Variants in LRRC28 observed in about 807,000 individuals in gnomAD.
LRRC28 encodes the protein leucine-rich repeat-containing protein 28.
A neutral mutation model predicts 45.7 loss-of-function variants in LRRC28; 39 were observed. The observed-to-expected ratio is 0.85, with a 90% CI of 0.66 to 1.12. LRRC28 has a LOEUF of 1.12. Ranked by LOEUF, LRRC28 falls within the 50% of genes most tolerant of loss-of-function variation. The pLI, the probability that LRRC28 is intolerant of heterozygous loss-of-function variation, is 0.00. For missense variants in LRRC28, 435 were observed against 438.5 expected (o/e 0.99, Z 0.07); for synonymous variants, 206 against 178.8 (o/e 1.15, Z -1.22).
intron 5 of LRRC28, among the ~76,000 whole-genome samples, chr15:99,310,441 G>A (rs954852733): frequency 1.3e-5 from 2 of 152,168 alleles, no homozygotes; most frequent in Non-Finnish European, 2.9e-5. Flanking sequence ...GTATTGAATG[G>A]ATCAGGCTGA....
At position 99,389,231 on chromosome 15, in the gene LRRC28, T is replaced by C. The variant is rs1486277644; in HGVS notation, c.*3129T>C. On this transcript the variant is annotated 3_prime_UTR_variant, in exon 10 of 10. Transcript: ENST00000301981. ...TTCACATTCCAGCTTGTCCGACTAG[T>C]GTAATGTACCTCTCACTTCTGTTTT... 2.0e-5 allele frequency: 3 copies of C among 152,182 alleles called. No homozygotes were observed. Among genetic ancestry groups the C allele is most frequent in the Non-Finnish European group, 4.4e-5 (3 of 68,042 alleles). 9.4% of individuals were successfully genotyped at this position (152,182 alleles called of 1,614,324 possible).
intron 5 of LRRC28, among the ~76,000 whole-genome samples, chr15:99,312,073 T>C (rs549618231): frequency 7.2e-5 from 11 of 152,148 alleles, no homozygotes; most frequent in Non-Finnish European, 1.5e-4. Flanking sequence ...ATAAAGGAAG[T>C]TAAAACAATA....
At chr15:99,257,927 T>C in intron 2 of LRRC28, 1 of 769,986 alleles carries the variant, frequency 1.3e-6, no homozygotes, top group Non-Finnish European at 2.4e-6. Context: ...ATAAAGAGAT[T>C]TTCCTTAGAG....
intron 9 of LRRC28, among the ~76,000 whole-genome samples, chr15:99,365,704 T>G (rs556689978): frequency 3.8e-4 from 58 of 152,354 alleles, no homozygotes; most frequent in African/African-American, 1.3e-3. Context: ...TAAATTAATG[T>G]GAACATCTGG....
intron 3 of LRRC28, among the ~76,000 whole-genome samples, chr15:99,280,432 A>AT (rs1475758592): frequency 5.2e-5 from 3 of 57,390 alleles, no homozygotes; most frequent in Admixed American, 2.5e-4. Context: ...ACAGTTTTTT[A>AT]TTGTACATTT....
intron 2 of LRRC28, chr15:99,258,660 A>C: frequency 5.4e-6 from 4 of 736,762 alleles, no homozygotes; most frequent in Non-Finnish European, 1.0e-5. Flanking sequence ...GAGACCATCC[A>C]AGAAGTAGAA....
At chr15:99,299,945 T>A (rs2082354924) in intron 5 of LRRC28, among the ~76,000 whole-genome samples, 2 of 152,164 alleles carry the variant, frequency 1.3e-5, no homozygotes, top group Admixed American at 6.5e-5. Context: ...TATCACTAGT[T>A]GTTTATATGT....
chr15:99,341,528 T>C (rs1324525247), intron 6 of LRRC28, among the ~76,000 whole-genome samples: 1 of 152,190 alleles, frequency 6.6e-6, no homozygotes, highest in Non-Finnish European at 1.5e-5. Context: ...TGACTTACTA[T>C]GCTAATGTAT....
At chr15:99,343,613 G>A (rs1027003569) in intron 6 of LRRC28, among the ~76,000 whole-genome samples, 18 of 152,172 alleles carry the variant, frequency 1.2e-4, no homozygotes, top group African/African-American at 1.4e-4. Flanking sequence ...GCATCTGTAC[G>A]ACGGACAGCT....
intron 2 of LRRC28, among the ~76,000 whole-genome samples, chr15:99,272,883 G>T (rs1597198268): frequency 2.0e-5 from 3 of 152,006 alleles, no homozygotes; most frequent in African/African-American, 7.3e-5. Flanking sequence ...CTTTTATCAG[G>T]ATTTTAAATT....
At chr15:99,329,492 G>A (rs184052148) in intron 5 of LRRC28, among the ~76,000 whole-genome samples, 1 of 152,160 alleles carries the variant, frequency 6.6e-6, no homozygotes, top group East Asian at 1.9e-4. Flanking sequence ...TCCAACACTG[G>A]AGGTATAAAT....
chr15:99,282,492 C>G (rs2152195276), intron 3 of LRRC28, among the ~76,000 whole-genome samples: 1 of 152,220 alleles, frequency 6.6e-6, no homozygotes, highest in Non-Finnish European at 1.5e-5. Flanking sequence ...TAATGGTGGT[C>G]TCATAAGATT....
chr15:99,309,189 T>A (rs1955304588), intron 5 of LRRC28, among the ~76,000 whole-genome samples: 1 of 152,210 alleles, frequency 6.6e-6, no homozygotes, highest in Admixed American at 6.5e-5. Context: ...TTCCTAATTC[T>A]GCTTTAGCTG....
At chr15:99,347,930 AG>A (rs1956748319) in intron 6 of LRRC28, among the ~76,000 whole-genome samples, 1 of 152,194 alleles carries the variant, frequency 6.6e-6, no homozygotes, top group South Asian at 2.1e-4. Context: ...CCACACCCTC[AG>A]CAACATTTGT....
intron 5 of LRRC28, among the ~76,000 whole-genome samples, chr15:99,314,049 A>T (rs1955507848): frequency 6.6e-6 from 1 of 152,128 alleles, no homozygotes; most frequent in Non-Finnish European, 1.5e-5. Context: ...AGTTTTGTCC[A>T]GTGTTAAGCT....
At chr15:99,373,291 T>C (rs1957535999) in intron 9 of LRRC28, among the ~76,000 whole-genome samples, 1 of 152,208 alleles carries the variant, frequency 6.6e-6, no homozygotes, top group African/African-American at 2.4e-5. Context: ...TCAATTGTGA[T>C]TTATTCAAAT....
intron 3 of LRRC28, chr15:99,285,862 TAA>T: frequency 5.5e-6 from 2 of 360,836 alleles, no homozygotes; most frequent in South Asian, 4.7e-5. Context: ...AATTAATGTT[TAA>T]AGAGTATTGA....
intron 7 of LRRC28, among the ~76,000 whole-genome samples, chr15:99,357,682 A>G (rs964652811): frequency 3.3e-5 from 5 of 152,172 alleles, no homozygotes; most frequent in East Asian, 1.9e-4. Flanking sequence ...GTACTTTTCT[A>G]TATGATTATA....
At chr15:99,329,158 C>G (rs982805496) in intron 5 of LRRC28, among the ~76,000 whole-genome samples, 2 of 152,110 alleles carry the variant, frequency 1.3e-5, no homozygotes, top group African/African-American at 4.8e-5. Context: ...TGCAAAAACG[C>G]TGAGATAAAT....
Sources: allele counts gnomAD v4.1 joint callset (sites outside exome capture counted in the v4.1 genomes callset), GRCh38; gene constraint gnomAD v4.1.1; transcripts MANE v1.5; gene names NCBI Gene and HGNC (gene_info 2026-07-23, HGNC 2026-07-21).